The following PTPN3 variants were observed in gnomAD, a reference collection of about 807,000 sequenced individuals.
The protein encoded by PTPN3 is tyrosine-protein phosphatase non-receptor type 3.
In PTPN3, 96 loss-of-function variants were observed where a neutral mutation model predicts 132.7. That is an observed-to-expected ratio of 0.72 (90% CI 0.61 to 0.86). PTPN3 has a LOEUF of 0.86. Among genes scored for constraint, PTPN3 ranks in the 40% least tolerant of loss-of-function variants. PTPN3 has a pLI of 0.00. For missense variants in PTPN3, 1,125 were observed against 1,159.6 expected (o/e 0.97, Z 0.43); for synonymous variants, 398 against 429.0 (o/e 0.93, Z 0.89).
chr9:109,486,356 G>A (rs1475350466), intron 1 of PTPN3, among the ~76,000 whole-genome samples: 3 of 152,220 alleles, frequency 2.0e-5, no homozygotes, highest in African/African-American at 2.4e-5. Flanking sequence ...TGGTAGCTAT[G>A]TGAAGGAGGT....
chr9:109,496,437 G>C (rs1487607520), intron 1 of PTPN3, among the ~76,000 whole-genome samples: 1 of 152,214 alleles, frequency 6.6e-6, no homozygotes, highest in East Asian at 1.9e-4. Flanking sequence ...AAAAAGACCT[G>C]CCCTTGGAAC....
the PTPN3 span, among the ~76,000 whole-genome samples, chr9:109,537,291 A>C: frequency 4.6e-5 from 7 of 152,234 alleles, no homozygotes; most frequent in Admixed American, 4.6e-4. Context: ...CCCTTGGCTA[A>C]AAAGGGAGTT....
intron 5 of PTPN3, chr9:109,450,803 T>C: frequency 1.0e-6 from 1 of 985,466 alleles, no homozygotes; most frequent in Non-Finnish European, 1.2e-6. Context: ...ATGACCTCTC[T>C]TGTGGGTACC....
At chr9:109,404,381 C>T in intron 19 of PTPN3, 67 bp downstream of exon 19, 1 of 1,174,578 alleles carries the variant, frequency 8.5e-7, no homozygotes, top group Non-Finnish European at 1.1e-6. Flanking sequence ...ATTTCCTCCA[C>T]TGCTCAGAGG....
intron 22 of PTPN3, among the ~76,000 whole-genome samples, chr9:109,387,498 C>G (rs1264391855): frequency 6.6e-6 from 1 of 152,180 alleles, no homozygotes; most frequent in Non-Finnish European, 1.5e-5. Flanking sequence ...CCCTGTGAGA[C>G]AAGGAGGCCA....
chr9:109,454,540 T>C lies in PTPN3; in HGVS notation c.324A>G (p.Arg108=), dbSNP rs186335053. Reference sequence around the variant, plus strand: ...GTGTGTTGGGATCAGGTATAAAAAATCTTACTCGAAAATGCAGGGTACAGG... The same window carrying C: ...GTGTGTTGGGATCAGGTATAAAAAACCTTACTCGAAAATGCAGGGTACAGG... The part of the protein sequence containing the change: ...GFPCTLHFRV[R]FFIPDPNTLQ... Residue 108 remains arginine (R), a synonymous_variant, in exon 5 of 26, where the codon AGA becomes AGG. Coordinates refer to ENST00000374541, the MANE Select transcript of PTPN3 (RefSeq NM_002829.4). 2.5e-4 allele frequency: 408 copies of C among 1,613,642 alleles called. 1 individual carries two copies. Among genetic ancestry groups the C allele is most frequent in the Non-Finnish European group, 1.1e-4 (128 of 1,179,918 alleles).
intron 24 of PTPN3, among the ~76,000 whole-genome samples, chr9:109,381,989 A>G (rs1234119472): frequency 1.3e-5 from 2 of 152,240 alleles, no homozygotes; most frequent in African/African-American, 4.8e-5. Context: ...CAGGCAGTGG[A>G]AAGAGGGCCA....
the PTPN3 span, among the ~76,000 whole-genome samples, chr9:109,530,600 T>C: frequency 6.6e-6 from 1 of 152,220 alleles, no homozygotes; most frequent in African/African-American, 2.4e-5. Flanking sequence ...TTGGATCATA[T>C]GGCAATTCTG....
At chr9:109,454,384 G>A in intron 5 of PTPN3, 112 bp downstream of exon 5, 3 of 877,818 alleles carry the variant, frequency 3.4e-6, no homozygotes, top group Non-Finnish European at 3.7e-6. Flanking sequence ...CATTGTTGGT[G>A]TAGTTACACC....
At chr9:109,456,838 T>C (rs1261498437) in intron 4 of PTPN3, among the ~76,000 whole-genome samples, 1 of 152,188 alleles carries the variant, frequency 6.6e-6, no homozygotes, top group Non-Finnish European at 1.5e-5. Flanking sequence ...TATCTCCCTG[T>C]CTCTCTTGTC....
chr9:109,534,263 C>T, the PTPN3 span: 234 of 1,538,176 alleles, frequency 1.5e-4, 1 homozygote, highest in African/African-American at 1.1e-3. Context: ...GTGGTGTCAC[C>T]GGCGCTGAGG....
chr9:109,448,925 T>C, intron 5 of PTPN3, 70 bp from the exon 6 acceptor site: 1 of 1,553,456 alleles, frequency 6.4e-7, no homozygotes, highest in Non-Finnish European at 8.6e-7. Context: ...AAAAGAAAGT[T>C]TGATGAGTCA....
At chr9:109,504,885 C>T in the PTPN3 span, among the ~76,000 whole-genome samples, 1 of 152,172 alleles carries the variant, frequency 6.6e-6, no homozygotes, top group Non-Finnish European at 1.5e-5. Context: ...AATCGCCTTC[C>T]CTGAAAGGGG....
intron 25 of PTPN3, among the ~76,000 whole-genome samples, chr9:109,380,988 A>G (rs978685787): frequency 6.1e-4 from 93 of 152,250 alleles, no homozygotes; most frequent in African/African-American, 2.1e-3. Flanking sequence ...CCTACTAGAT[A>G]CAAGCCTGTC....
At chr9:109,443,530 T>C (rs1044028897) in intron 7 of PTPN3, among the ~76,000 whole-genome samples, 1 of 152,200 alleles carries the variant, frequency 6.6e-6, no homozygotes, top group Non-Finnish European at 1.5e-5. Flanking sequence ...AGGATTTAAA[T>C]TGAATATGCC....
the PTPN3 span, among the ~76,000 whole-genome samples, chr9:109,521,049 T>C: frequency 6.6e-6 from 1 of 152,118 alleles, no homozygotes; most frequent in Non-Finnish European, 1.5e-5. Flanking sequence ...GTGACATGTA[T>C]ACCCTCCACT....
chr9:109,449,167 T>C, intron 5 of PTPN3: 1 of 1,149,220 alleles, frequency 8.7e-7, no homozygotes, highest in Non-Finnish European at 1.1e-6. Context: ...GTACTATGGG[T>C]TCCGCTGTCA....
chr9:109,382,918 T>C (rs1839235318), intron 23 of PTPN3, among the ~76,000 whole-genome samples: 1 of 152,142 alleles, frequency 6.6e-6, no homozygotes, highest in Admixed American at 6.5e-5. Flanking sequence ...ACATAAACCC[T>C]GCACCCATTA....
At position 109,483,177 on chromosome 9, in the gene PTPN3, A is replaced by ACAGCC. The variant is rs1588498942; in HGVS notation, c.-18+15037_-18+15041dup. ...AGCCCTCCACACCTTCAGAGAACTC[A>ACAGCC]CAGCCCAGCCCTCGCTCCTCAGAGC... is the stretch of plus-strand genomic sequence containing the variant. On this transcript the variant is annotated intron_variant, in intron 1 of 25. Coordinates refer to ENST00000374541, the MANE Select transcript of PTPN3 (RefSeq NM_002829.4). 5.3e-5 allele frequency among the ~76,000 whole-genome samples: 8 copies of ACAGCC among 152,340 alleles called. No homozygotes were observed. The East Asian group carries it at 1.4e-3, about 26-fold the overall frequency.
Sources: allele counts gnomAD v4.1 joint callset (sites outside exome capture counted in the v4.1 genomes callset), GRCh38; gene constraint gnomAD v4.1.1; transcripts MANE v1.5; gene names NCBI Gene and HGNC (gene_info 2026-07-23, HGNC 2026-07-21).